The following TFAP2B variants were observed in gnomAD, a reference collection of about 807,000 sequenced individuals.
TFAP2B encodes transcription factor AP-2-beta.
In TFAP2B, 9 loss-of-function variants were observed where a neutral mutation model predicts 44.3. The observed-to-expected ratio is 0.20, with a 90% CI of 0.12 to 0.35. TFAP2B has a LOEUF of 0.35. TFAP2B is among the 10% of genes least tolerant of loss of function. TFAP2B has a pLI of 1.00. For missense variants in TFAP2B, 509 were observed against 600.0 expected (o/e 0.85, Z 1.59); for synonymous variants, 270 against 263.8 (o/e 1.02, Z -0.23).
intron 1 of TFAP2B, among the ~76,000 whole-genome samples, chr6:50,819,254 A>G (rs1054322537): frequency 3.4e-5 from 5 of 146,728 alleles, no homozygotes; most frequent in African/African-American, 1.2e-4. Context: ...CACCCTTTTA[A>G]GCTCTGATGG....
chr6:50,820,487 G>A (rs1440358985), intron 1 of TFAP2B, among the ~76,000 whole-genome samples: 2 of 152,130 alleles, frequency 1.3e-5, no homozygotes, highest in Non-Finnish European at 2.9e-5. Flanking sequence ...AAAAGCAGGA[G>A]AGAGCGCGAG....
At chr6:50,825,898 C>T (rs1250703461) in intron 2 of TFAP2B, among the ~76,000 whole-genome samples, 1 of 152,140 alleles carries the variant, frequency 6.6e-6, no homozygotes, top group Admixed American at 6.5e-5. Flanking sequence ...GCTCCTGTCC[C>T]TAGAGGGAAA....
chr6:50,835,337 A>G (rs987237), intron 3 of TFAP2B, among the ~76,000 whole-genome samples: 26,236 of 152,228 alleles, frequency 0.17, 2,544 homozygotes, highest in Admixed American at 0.28. Context: ...AACAAAATTC[A>G]TGTCACTGCA....
chr6:50,822,125 T>A, intron 1 of TFAP2B: 1 of 1,304,058 alleles, frequency 7.7e-7, no homozygotes, highest in Non-Finnish European at 1.0e-6. Context: ...ACCAGGCTTT[T>A]TTTTCCAGAT....
chr6:50,836,011 T>C (rs2113949443), intron 3 of TFAP2B, 50 bp from the exon 4 acceptor site: 4 of 1,430,382 alleles, frequency 2.8e-6, no homozygotes, highest in Non-Finnish European at 3.9e-6. Context: ...CAGCCGGTCA[T>C]CAGGATCGAA....
At chr6:50,823,895 A>G in intron 2 of TFAP2B, 30 bp downstream of exon 2, 1 of 1,532,608 alleles carries the variant, frequency 6.5e-7, no homozygotes, top group Non-Finnish European at 8.8e-7. Context: ...CAAACAAACA[A>G]AAAAGACCAC....
intron 5 of TFAP2B, among the ~76,000 whole-genome samples, chr6:50,839,496 C>T (rs1762683026): frequency 6.6e-6 from 1 of 152,134 alleles, no homozygotes; most frequent in South Asian, 2.1e-4. Context: ...TGAGTAATAC[C>T]TTAGATACTC....
intron 3 of TFAP2B, among the ~76,000 whole-genome samples, chr6:50,831,920 G>C: frequency 6.6e-6 from 1 of 152,170 alleles, no homozygotes; most frequent in African/African-American, 2.4e-5. Context: ...TGTTTGGTTA[G>C]TTTCAGTTCA....
intron 3 of TFAP2B, among the ~76,000 whole-genome samples, chr6:50,832,755 A>G (rs1175407967): frequency 2.0e-5 from 3 of 152,232 alleles, no homozygotes; most frequent in Non-Finnish European, 4.4e-5. Flanking sequence ...CTATAATTTC[A>G]CACTTAAGTT....
chr6:50,843,322 C>T lies in TFAP2B; in HGVS notation c.1313C>T (p.Thr438Ile). Residue 438 changes from threonine to isoleucine, a missense_variant, in exon 7 of 7, where the codon ACT (threonine) becomes ATT (isoleucine). Thr to Ile is a moderately conservative substitution (Grantham distance 89). Around this residue, in one of 3 missense-constraint regions of TFAP2B, gnomAD observed 168 missense variants for 183.2 expected, o/e 0.92. Coordinates refer to ENST00000393655, the MANE Select transcript of TFAP2B (RefSeq NM_003221.4). ...MDKMFLNNTT[T>I]NRHTSGEGPG... ...AAGATGTTCTTGAACAACACCACCA[C>T]TAACAGGCACACGTCTGGGGAAGGC... 1 of 1,614,138 alleles carries T rather than the reference C, an allele frequency of 6.2e-7. No homozygotes were observed. The highest frequency in any genetic ancestry group is 8.5e-7 in the Non-Finnish European group (1 of 1,180,046).
At chr6:50,835,728 C>G (rs1762606299) in intron 3 of TFAP2B, among the ~76,000 whole-genome samples, 1 of 152,212 alleles carries the variant, frequency 6.6e-6, no homozygotes, top group African/African-American at 2.4e-5. Flanking sequence ...TCTAAGGTCA[C>G]AGAGTTAGCA....
chr6:50,818,869 C>G, upstream of TFAP2B: 1 of 1,612,036 alleles, frequency 6.2e-7, no homozygotes, highest in Non-Finnish European at 8.5e-7. Flanking sequence ...TCCTGAGAAG[C>G]CAGACATCTG....
chr6:50,834,280 C>G (rs892731133), intron 3 of TFAP2B, among the ~76,000 whole-genome samples: 1 of 152,120 alleles, frequency 6.6e-6, no homozygotes, highest in Non-Finnish European at 1.5e-5. Context: ...TGAGGGAAAT[C>G]AAAAAGAAGG....
chr6:50,841,965 G>T (rs1762742011), intron 6 of TFAP2B, among the ~76,000 whole-genome samples: 1 of 152,220 alleles, frequency 6.6e-6, no homozygotes, highest in Admixed American at 6.5e-5. Flanking sequence ...CAGCACCCTA[G>T]GAAAGGATGC....
At chr6:50,830,248 G>A in intron 3 of TFAP2B, 2 of 959,336 alleles carry the variant, frequency 2.1e-6, no homozygotes, top group Non-Finnish European at 2.5e-6. Flanking sequence ...CATTTGGGCT[G>A]GCAGGGGAAC....
chr6:50,831,962 A>C (rs897877263), intron 3 of TFAP2B, among the ~76,000 whole-genome samples: 1 of 152,142 alleles, frequency 6.6e-6, no homozygotes, highest in Non-Finnish European at 1.5e-5. Flanking sequence ...CTTTCCCGTT[A>C]GTTCTGGCCC....
rs1762779666 is a variant in TFAP2B at position 50,843,567 on chromosome 6, G to C, written c.*175G>C. On this transcript the variant is annotated 3_prime_UTR_variant, in exon 7 of 7. Coordinates refer to ENST00000393655, the MANE Select transcript of TFAP2B (RefSeq NM_003221.4). ...AAATAACTTAAAAAAAAACTGAGGC[G>C]TACAACGGAGCAACAATATCGGTTC... 2.9e-6 allele frequency: 2 copies of C among 696,496 alleles called. No individual in the cohort carries two copies. The highest frequency in any genetic ancestry group is 2.3e-6 in the Non-Finnish European group (1 of 431,976). 43.1% of individuals were successfully genotyped at this position (696,496 alleles called of 1,614,324 possible).
At chr6:50,835,949 C>A in intron 3 of TFAP2B, 112 bp from the exon 4 acceptor site, 1 of 897,748 alleles carries the variant, frequency 1.1e-6, no homozygotes. Flanking sequence ...CTTCCTCCCT[C>A]AGCTTTCCAC....
intron 3 of TFAP2B, among the ~76,000 whole-genome samples, chr6:50,831,264 G>T (rs995174501): frequency 1.3e-5 from 2 of 152,196 alleles, no homozygotes; most frequent in African/African-American, 2.4e-5. Context: ...GAGAGCAAAC[G>T]AGTGGAGTGA....
Sources: gnomAD v4.1 joint callset for allele counts (sites outside exome capture counted in the v4.1 genomes callset) on GRCh38, gnomAD v4.1.1 for gene constraint, gnomAD v4.1.1 regional missense constraint, MANE v1.5 for transcripts, NCBI Gene and HGNC (gene_info 2026-07-23, HGNC 2026-07-21) for gene names.